FUT8: variants seen among roughly 807,000 people sequenced by gnomAD.
FUT8 encodes the protein alpha-(1,6)-fucosyltransferase.
Under a neutral mutation model 71.3 loss-of-function variants are expected in FUT8, and 29 were observed. The ratio of observed to expected loss-of-function variants is 0.41; its 90% CI spans 0.30 to 0.55. The LOEUF (loss-of-function observed/expected upper bound fraction) is 0.55, where lower values mean the gene tolerates loss of function less well. Ranked by LOEUF, FUT8 falls within the 20% of genes least tolerant of loss-of-function variation. FUT8 has a pLI of 0.34. For synonymous variants in FUT8, 254 were observed against 239.3 expected (o/e 1.06, Z -0.57); for missense variants, 544 against 702.1 (o/e 0.77, Z 2.55).
At chr14:65,512,207 A>G (rs749208076) in intron 2 of FUT8, among the ~76,000 whole-genome samples, 11 of 152,208 alleles carry the variant, frequency 7.2e-5, no homozygotes, top group Non-Finnish European at 1.3e-4. Flanking sequence ...TCGGTTGCCC[A>G]GGGTGGAGTG....
chr14:65,392,221 C>T, the FUT8 span, among the ~76,000 whole-genome samples: 19,256 of 152,240 alleles, frequency 0.13, 1,541 homozygotes, highest in South Asian at 0.23. Context: ...CATGAGCCAC[C>T]GCGCCCGGCT....
intron 3 of FUT8, among the ~76,000 whole-genome samples, chr14:65,591,347 A>T (rs556105208): frequency 6.6e-6 from 1 of 152,146 alleles, no homozygotes; most frequent in African/African-American, 2.4e-5. Flanking sequence ...AAGAACATGA[A>T]AGGGGCATGA....
At chr14:65,422,785 G>A (rs2065318439) in intron 1 of FUT8, among the ~76,000 whole-genome samples, 1 of 152,004 alleles carries the variant, frequency 6.6e-6, no homozygotes, top group Non-Finnish European at 1.5e-5. Context: ...TGGGGTTACA[G>A]GTGTGAGCCA....
In FUT8 at chr14:65,702,744, G is replaced by GT. The variant is rs751788495; in HGVS notation, c.836-19031_836-19030insT. 1.7e-3 allele frequency among the ~76,000 whole-genome samples: 260 copies of GT among 151,182 alleles called. 7 individuals carry two copies. The East Asian group carries it at 0.019, about 11-fold the overall frequency. On this transcript the variant is annotated intron_variant, in intron 7 of 10. Coordinates refer to ENST00000673929, the MANE Select transcript of FUT8 (RefSeq NM_001371533.1). ...TGTTACATAGGGTAGAAATTTTTGTGGTTTTTTTTTTTTTAAACAGAGTTT... is the reference window on the plus strand; with the variant it reads ...TGTTACATAGGGTAGAAATTTTTGTGTGTTTTTTTTTTTTTAAACAGAGTTT...
intron 6 of FUT8, among the ~76,000 whole-genome samples, chr14:65,661,897 T>C (rs1891985454): frequency 6.6e-6 from 1 of 152,230 alleles, no homozygotes; most frequent in Non-Finnish European, 1.5e-5. Flanking sequence ...AAGTAAAATA[T>C]CTCAGCGTTA....
At chr14:65,589,381 C>G (rs1887558529) in intron 3 of FUT8, among the ~76,000 whole-genome samples, 1 of 151,124 alleles carries the variant, frequency 6.6e-6, no homozygotes, top group Non-Finnish European at 1.5e-5. Context: ...AACACCATGG[C>G]ACTTCCCAGA....
chr14:65,463,201 C>A (rs8003664), intron 2 of FUT8, among the ~76,000 whole-genome samples: 1 of 152,006 alleles, frequency 6.6e-6, no homozygotes, highest in Non-Finnish European at 1.5e-5. Context: ...AAAAGATATA[C>A]CTCTATCATA....
At chr14:65,465,456 G>A (rs1356419567) in intron 2 of FUT8, among the ~76,000 whole-genome samples, 2 of 152,136 alleles carry the variant, frequency 1.3e-5, no homozygotes, top group Non-Finnish European at 2.9e-5. Context: ...ACATGTATGA[G>A]CCACTGTGCC....
At chr14:65,692,621 C>G (rs1301916060) in intron 7 of FUT8, among the ~76,000 whole-genome samples, 2 of 151,550 alleles carry the variant, frequency 1.3e-5, no homozygotes, top group Non-Finnish European at 3.0e-5. Context: ...CCCCCACCCC[C>G]CTCCCAGACG....
rs147233953 is a variant in FUT8 at position 65,703,542 on chromosome 14, A to T, written c.836-18233A>T. Among the ~76,000 whole-genome samples, 605 of 152,348 alleles carry T rather than the reference A, an allele frequency of 4.0e-3. 4 individuals carry two copies. The highest frequency in any genetic ancestry group is 0.035 in the East Asian group (183 of 5,186). Reference sequence around the variant, plus strand: ...ATTTTACACAGCGCAAAAGGAAGGGAGAGTGGAGTGACCTATGTCAGATCA... The same window carrying T: ...ATTTTACACAGCGCAAAAGGAAGGGTGAGTGGAGTGACCTATGTCAGATCA... On this transcript the variant is annotated intron_variant, in intron 7 of 10. Transcript: ENST00000673929.
At chr14:65,694,425 C>G (rs1248390880) in intron 7 of FUT8, among the ~76,000 whole-genome samples, 2 of 152,116 alleles carry the variant, frequency 1.3e-5, no homozygotes, top group Non-Finnish European at 2.9e-5. Context: ...ATAAATAACA[C>G]AAAGTGCTTC....
At position 65,413,296 on chromosome 14, in the gene FUT8, C is replaced by G. The variant is rs897969469; in HGVS notation, c.-326+82C>G. The G allele has an allele frequency of 6.6e-6, 1 of 152,362 alleles. No homozygotes were observed. The highest frequency in any genetic ancestry group is 6.5e-5 in the Admixed American group (1 of 15,286). 9.4% of individuals were successfully genotyped at this position (152,362 alleles called of 1,614,324 possible). On this transcript the variant is annotated intron_variant, in intron 1 of 10. Coordinates refer to ENST00000673929, the MANE Select transcript of FUT8 (RefSeq NM_001371533.1). The surrounding 1 kb of genome is among the most constrained non-coding windows in gnomAD (Gnocchi z 4.1). ...GCGCGCGGGATCTGAGGAGGCTCCG[C>G]GGCTGTCCCTGCTCGTTCACCCGGG...
In FUT8 at chr14:65,607,036, TAG is replaced by T. The variant is rs1888623984; in HGVS notation, c.204-8938_204-8937del. Among the ~76,000 whole-genome samples, 1 of 151,950 alleles carries T rather than the reference TAG, an allele frequency of 6.6e-6. No homozygotes were observed. The highest frequency in any genetic ancestry group is 6.6e-5 in the Admixed American group (1 of 15,238). ...TTAGTAATTTGTGGTTGTTGTTGTA[TAG>T]AGACTTTAATTTCTGTACATTGATA... On this transcript the variant is annotated intron_variant, in intron 3 of 10. Coordinates refer to ENST00000673929, the MANE Select transcript of FUT8 (RefSeq NM_001371533.1). This position sits in a 1 kb window ranked among gnomAD's most constrained non-coding sequence, Gnocchi z 4.1.
intron 6 of FUT8, among the ~76,000 whole-genome samples, chr14:65,662,285 A>G (rs886928871): frequency 6.6e-6 from 1 of 151,974 alleles, no homozygotes; most frequent in Non-Finnish European, 1.5e-5. Context: ...ACTTGGGGGG[A>G]TGAGGTGGGA....
chr14:65,563,037 A>T (rs576990124), intron 3 of FUT8, among the ~76,000 whole-genome samples: 1 of 152,008 alleles, frequency 6.6e-6, no homozygotes, highest in African/African-American at 2.4e-5. Context: ...TTGAAAGACA[A>T]TGCTACGTGT....
At position 65,652,176 on chromosome 14, in the gene FUT8, A is replaced by G. The variant is rs1269961049; in HGVS notation, c.598-17067A>G. On this transcript the variant is annotated intron_variant, in intron 6 of 10. Coordinates refer to ENST00000673929, the MANE Select transcript of FUT8 (RefSeq NM_001371533.1). The surrounding 1 kb of genome is among the most constrained non-coding windows in gnomAD (Gnocchi z 4.0). ...TTGATTTTGGACTTCTGGCTTCCAG[A>G]TCTGCCAAGAAACCAAAAGACAGGA... 2.0e-5 allele frequency among the ~76,000 whole-genome samples: 3 copies of G among 152,186 alleles called. No individual in the cohort carries two copies. The highest frequency in any genetic ancestry group is 2.9e-5 in the Non-Finnish European group (2 of 68,044).
rs935287143 is a variant in FUT8, at chr14:65,467,271, T to A, written c.-228+11553T>A. On this transcript the variant is annotated intron_variant, in intron 2 of 10. Transcript: ENST00000673929. This position sits in a 1 kb window ranked among gnomAD's most constrained non-coding sequence, Gnocchi z 4.1. ...GGCATTCTAGTTTGGTATTTTATTTTATTTTTTTTAACAGCCCAGAGGTCT... is the reference window on the plus strand; with the variant it reads ...GGCATTCTAGTTTGGTATTTTATTTAATTTTTTTTAACAGCCCAGAGGTCT... Among the ~76,000 whole-genome samples the A allele has an allele frequency of 6.6e-6, 1 of 152,122 alleles. No homozygotes were observed. Among genetic ancestry groups the A allele is most frequent in the Non-Finnish European group, 1.5e-5 (1 of 68,018 alleles).
the FUT8 span, among the ~76,000 whole-genome samples, chr14:65,367,776 T>G: frequency 6.6e-6 from 1 of 152,132 alleles, no homozygotes; most frequent in African/African-American, 2.4e-5. Context: ...TGACAAAGGC[T>G]TTTACCCACC....
At chr14:65,710,531 TTAG>T (rs1894763203) in intron 7 of FUT8, among the ~76,000 whole-genome samples, 1 of 152,230 alleles carries the variant, frequency 6.6e-6, no homozygotes. Flanking sequence ...TAAATATCTT[TTAG>T]TAGTTTACTA....
Sources: gnomAD v4.1 joint callset for allele counts (sites outside exome capture counted in the v4.1 genomes callset) on GRCh38, gnomAD v4.1.1 for gene constraint, Gnocchi (gnomAD v3.1) non-coding constraint, MANE v1.5 for transcripts, NCBI Gene and HGNC (gene_info 2026-07-23, HGNC 2026-07-21) for gene names.